NELL1: variants seen among roughly 807,000 people sequenced by gnomAD.
The protein encoded by NELL1 is neural EGFL like 1, also known as protein kinase C-binding protein NELL1.
A neutral mutation model predicts 107.4 loss-of-function variants in NELL1; 76 were observed. The ratio of observed to expected loss-of-function variants is 0.71; its 90% CI spans 0.59 to 0.86. The LOEUF is 0.86. Ranked by LOEUF, NELL1 falls within the 40% of genes least tolerant of loss-of-function variation. The probability of loss-of-function intolerance (pLI) is 0.00; values close to 1 mark genes in which losing one functional copy is unlikely to be tolerated. For synonymous variants in NELL1, 353 were observed against 341.2 expected (o/e 1.03, Z -0.38); for missense variants, 1,024 against 1,005.5 (o/e 1.02, Z -0.25).
rs572808874 is a variant in NELL1 at position 21,396,859 on chromosome 11, A to G, written c.1645+25911A>G. Among the ~76,000 whole-genome samples the G allele has an allele frequency of 7.3e-5, 11 of 151,716 alleles. No individual in the cohort carries two copies. The South Asian group carries it at 2.3e-3, about 31-fold the overall frequency. ...GAGAATGCCATAAAAAAAAAATTGC[A>G]GCATGAGACTGTACGTAACACTGTG... is the stretch of plus-strand genomic sequence containing the variant. On this transcript the variant is annotated intron_variant, in intron 15 of 19. Coordinates refer to ENST00000357134, the MANE Select transcript of NELL1 (RefSeq NM_006157.5).
intron 15 of NELL1, among the ~76,000 whole-genome samples, chr11:21,453,742 A>C (rs2133861759): frequency 6.8e-6 from 1 of 148,026 alleles, no homozygotes; most frequent in South Asian, 2.1e-4. Flanking sequence ...TTAGAGTTGT[A>C]TTTTATGATT....
At chr11:21,290,130 G>A (rs531324552) in intron 14 of NELL1, among the ~76,000 whole-genome samples, 42 of 152,242 alleles carry the variant, frequency 2.8e-4, no homozygotes, top group African/African-American at 8.7e-4. Context: ...AGCACTTTGG[G>A]AGGCCGAGGT....
chr11:21,090,698 A>G (rs762003711), intron 12 of NELL1, among the ~76,000 whole-genome samples: 1 of 152,216 alleles, frequency 6.6e-6, no homozygotes, highest in Non-Finnish European at 1.5e-5. Context: ...ATCTTAACAA[A>G]TACCTTCATG....
In NELL1 at chr11:21,342,686, G is replaced by T. The variant is rs1054126072; in HGVS notation, c.1550-28167G>T. On this transcript the variant is annotated intron_variant, in intron 14 of 19. Coordinates refer to ENST00000357134, the MANE Select transcript of NELL1 (RefSeq NM_006157.5). Reference sequence around the variant, plus strand: ...AAAAGAAAAAGAAAAGAAAGAGATAGGAAAGGAAGGAAGAGGGAGAGAGAG... The same window carrying T: ...AAAAGAAAAAGAAAAGAAAGAGATATGAAAGGAAGGAAGAGGGAGAGAGAG... Among the ~76,000 whole-genome samples the T allele has an allele frequency of 2.4e-5, 3 of 125,698 alleles. No homozygotes were observed. The Admixed American group carries it at 2.7e-4, about 11-fold the overall frequency. 82.5% of individuals were successfully genotyped at this position (125,698 alleles called of 152,430 possible).
intron 5 of NELL1, among the ~76,000 whole-genome samples, chr11:20,911,959 G>T (rs1277204802): frequency 1.3e-5 from 2 of 152,170 alleles, no homozygotes; most frequent in Non-Finnish European, 2.9e-5. Flanking sequence ...CTTCTCAGGT[G>T]AGAGTCAGCA....
intron 12 of NELL1, among the ~76,000 whole-genome samples, chr11:20,970,081 ATCC>A (rs1416456146): frequency 6.6e-5 from 10 of 151,692 alleles, no homozygotes; most frequent in African/African-American, 2.4e-4. Context: ...CCATCCATCC[ATCC>A]ATCCATCCAT....
At chr11:21,025,868 T>C (rs886503608) in intron 12 of NELL1, among the ~76,000 whole-genome samples, 1 of 152,204 alleles carries the variant, frequency 6.6e-6, no homozygotes, top group African/African-American at 2.4e-5. Context: ...GCATCTTCTT[T>C]AGTCTTTCCC....
intron 15 of NELL1, among the ~76,000 whole-genome samples, chr11:21,416,323 C>A (rs989177949): frequency 3.3e-5 from 5 of 152,082 alleles, no homozygotes; most frequent in Non-Finnish European, 7.4e-5. Flanking sequence ...AATGCTGTAA[C>A]CTTGGGTGAG....
At chr11:20,979,327 A>G (rs1434379427) in intron 12 of NELL1, among the ~76,000 whole-genome samples, 1 of 152,206 alleles carries the variant, frequency 6.6e-6, no homozygotes, top group Non-Finnish European at 1.5e-5. Flanking sequence ...TTAAAAAACT[A>G]TAAATTAAAC....
intron 12 of NELL1, among the ~76,000 whole-genome samples, chr11:21,109,107 G>C (rs574008163): frequency 6.6e-6 from 1 of 151,998 alleles, no homozygotes; most frequent in Non-Finnish European, 1.5e-5. Flanking sequence ...GATAACCTCC[G>C]AGCCTCAGTT....
intron 14 of NELL1, among the ~76,000 whole-genome samples, chr11:21,357,775 C>T (rs1389876583): frequency 6.6e-6 from 1 of 152,160 alleles, no homozygotes; most frequent in Non-Finnish European, 1.5e-5. Flanking sequence ...TTTTAGGTTT[C>T]AAGTCTTAGC....
intron 3 of NELL1, among the ~76,000 whole-genome samples, chr11:20,822,631 T>C (rs1310197897): frequency 6.6e-6 from 1 of 152,138 alleles, no homozygotes; most frequent in East Asian, 1.9e-4. Flanking sequence ...TTCACCAGTG[T>C]CAGGGGTAGC....
chr11:21,360,783 T>C (rs935976538), intron 14 of NELL1, among the ~76,000 whole-genome samples: 1 of 152,194 alleles, frequency 6.6e-6, no homozygotes, highest in African/African-American at 2.4e-5. Flanking sequence ...TAATAATAGC[T>C]ACTCCTGCTC....
chr11:21,038,404 A>G (rs971458553), intron 12 of NELL1, among the ~76,000 whole-genome samples: 3 of 152,216 alleles, frequency 2.0e-5, no homozygotes, highest in African/African-American at 4.8e-5. Flanking sequence ...TTAAAAATGC[A>G]TATGTAAATT....
intron 2 of NELL1, among the ~76,000 whole-genome samples, chr11:20,709,516 T>A (rs2133893961): frequency 6.6e-6 from 1 of 152,298 alleles, no homozygotes; most frequent in East Asian, 1.9e-4. Flanking sequence ...TTGCTTTGGC[T>A]GCATGGAGTA....
chr11:20,992,733 A>AAAC (rs142606343), intron 12 of NELL1, among the ~76,000 whole-genome samples: 6,655 of 66,520 alleles, frequency 0.1, 197 homozygotes, highest in Middle Eastern at 0.26. Context: ...TTTTTTTTTG[A>AAAC]AACAGAGTTT....
intron 2 of NELL1, among the ~76,000 whole-genome samples, chr11:20,725,368 T>G (rs551000090): frequency 2.6e-5 from 4 of 152,216 alleles, no homozygotes; most frequent in South Asian, 2.1e-4. Context: ...GCCCCAGAGA[T>G]GGCATGAAAG....
chr11:21,469,378 A>G (rs1854118643), intron 15 of NELL1, among the ~76,000 whole-genome samples: 1 of 152,194 alleles, frequency 6.6e-6, no homozygotes, highest in East Asian at 1.9e-4. Flanking sequence ...GTCTTGCAGG[A>G]GTACCCATCC....
At chr11:20,772,944 T>A (rs898234266) in intron 2 of NELL1, among the ~76,000 whole-genome samples, 1 of 152,212 alleles carries the variant, frequency 6.6e-6, no homozygotes, top group Admixed American at 6.5e-5. Flanking sequence ...TTAGCATATA[T>A]AAAGTCCTTA....
Sources: gnomAD v4.1 joint callset for allele counts (sites outside exome capture counted in the v4.1 genomes callset) on GRCh38, gnomAD v4.1.1 for gene constraint, MANE v1.5 for transcripts, NCBI Gene and HGNC (gene_info 2026-07-23, HGNC 2026-07-21) for gene names.